Variants in MAPK8IP3 observed in about 807,000 individuals in gnomAD.
MAPK8IP3 encodes the protein C-Jun-amino-terminal kinase-interacting protein 3.
Under a neutral mutation model 157.8 loss-of-function variants are expected in MAPK8IP3, and 49 were observed. That is an observed-to-expected ratio of 0.31 (90% CI 0.25 to 0.39). MAPK8IP3 has a LOEUF of 0.39. Among genes scored for constraint, MAPK8IP3 ranks in the 10% least tolerant of loss-of-function variants. MAPK8IP3 has a pLI of 1.00. For synonymous variants in MAPK8IP3, 897 were observed against 777.7 expected (o/e 1.15, Z -2.55); for missense variants, 1,478 against 1,889.4 (o/e 0.78, Z 4.04).
intron 9 of MAPK8IP3, among the ~76,000 whole-genome samples, chr16:1,758,423 A>C (rs1205354224): frequency 1.3e-5 from 2 of 152,064 alleles, no homozygotes; most frequent in Non-Finnish European, 2.9e-5. Context: ...GCGGAGCCCT[A>C]AGCCACGCAC....
At chr16:1,749,791 C>T (rs2041186649) in intron 8 of MAPK8IP3, among the ~76,000 whole-genome samples, 3 of 152,208 alleles carry the variant, frequency 2.0e-5, no homozygotes, top group Admixed American at 2.0e-4. Flanking sequence ...AGCTGATTGT[C>T]TTATCTGGGG....
At chr16:1,737,603 T>C (rs2040092315) in intron 4 of MAPK8IP3, among the ~76,000 whole-genome samples, 1 of 84,518 alleles carries the variant, frequency 1.2e-5, no homozygotes, top group African/African-American at 4.8e-5. Flanking sequence ...CGTGTGAGCG[T>C]GTGACCGTCC....
At chr16:1,733,634 G>A (rs1036252210) in intron 4 of MAPK8IP3, among the ~76,000 whole-genome samples, 3 of 152,326 alleles carry the variant, frequency 2.0e-5, no homozygotes, top group Non-Finnish European at 4.4e-5. Context: ...CGCCGCCCCC[G>A]TCCCTTGGCT....
intron 12 of MAPK8IP3, 52 bp from the exon 13 acceptor site, chr16:1,761,172 C>T: frequency 6.9e-7 from 1 of 1,453,880 alleles, no homozygotes; most frequent in Non-Finnish European, 9.7e-7. Flanking sequence ...CTATGTGTTC[C>T]CGAGGCCCCT....
chr16:1,736,092 GTCCA>G (rs2039761827), intron 4 of MAPK8IP3, among the ~76,000 whole-genome samples: 1 of 123,758 alleles, frequency 8.1e-6, no homozygotes, highest in African/African-American at 3.2e-5. Flanking sequence ...GAGTGTGACC[GTCCA>G]TGTGAGCATC....
intron 1 of MAPK8IP3, among the ~76,000 whole-genome samples, chr16:1,717,926 A>G (rs1259220891): frequency 6.6e-6 from 1 of 151,362 alleles, no homozygotes; most frequent in Non-Finnish European, 1.5e-5. Flanking sequence ...ATCTCAGCTC[A>G]CTGCAAGCTC....
chr16:1,760,904 G>A (rs1388433007), intron 12 of MAPK8IP3, among the ~76,000 whole-genome samples: 3 of 152,194 alleles, frequency 2.0e-5, no homozygotes, highest in African/African-American at 7.2e-5. Context: ...CTCTGCCTAA[G>A]AAGGGACCCA....
In MAPK8IP3 at chr16:1,710,150, G is replaced by A. The variant is rs182770988; in HGVS notation, c.318+3493G>A. On this transcript the variant is annotated intron_variant, in intron 1 of 31. Transcript: ENST00000610761. This position sits in a 1 kb window ranked among gnomAD's most constrained non-coding sequence, Gnocchi z 4.1. The stretch of plus-strand genomic sequence containing the variant: ...TGAGGCAGGCGAGAGATGAGGTCAC[G>A]CTATGTTGCCCAGGCTGGTCTCAAA... Among the ~76,000 whole-genome samples the A allele has an allele frequency of 3.3e-5, 5 of 151,432 alleles. No homozygotes were observed. Among genetic ancestry groups the A allele is most frequent in the South Asian group, 4.2e-4 (2 of 4,790 alleles).
chr16:1,764,269 G>T (rs961595850), intron 18 of MAPK8IP3, 32 bp from the exon 19 acceptor site: 2 of 1,589,854 alleles, frequency 1.3e-6, no homozygotes, highest in African/African-American at 2.7e-5. Context: ...GGGGAGTGCC[G>T]GTGACACCCG....
At chr16:1,732,048 G>A (rs963602640) in intron 4 of MAPK8IP3, among the ~76,000 whole-genome samples, 17 of 152,166 alleles carry the variant, frequency 1.1e-4, no homozygotes, top group African/African-American at 3.9e-4. Context: ...GGAGAAAGCC[G>A]GGCTGCAGGC....
intron 4 of MAPK8IP3, among the ~76,000 whole-genome samples, chr16:1,740,384 AAGCGTGTGACCGTCCGTGTG>A (rs2040598533): frequency 7.2e-6 from 1 of 138,906 alleles, no homozygotes; most frequent in Non-Finnish European, 1.6e-5. Flanking sequence ...CCGTCCGTGT[AAGCGTGTGACCGTCCGTGTG>A]AGCGTGTGCA....
chr16:1,766,015 C>G lies in MAPK8IP3; in HGVS notation c.2502C>G (p.Asn834Lys). 1 of 1,612,818 alleles carries G rather than the reference C, an allele frequency of 6.2e-7. No homozygotes were observed. The highest frequency in any genetic ancestry group is 8.5e-7 in the Non-Finnish European group (1 of 1,179,938). Residue 834 changes from asparagine to lysine, a missense_variant, in exon 21 of 32, where the codon AAC becomes AAG. By Grantham distance (94) the Asn-to-Lys change is moderately conservative. Transcript: ENST00000610761. ...AGATGTTCCTGGACAGCGACGTGAA[C>G]CCAGAGGACCCGGGCGCAGATGGCG... ...PGEMFLDSDV[N>K]PEDPGADGVL...
intron 1 of MAPK8IP3, among the ~76,000 whole-genome samples, chr16:1,715,876 C>T (rs2038113960): frequency 6.6e-6 from 1 of 152,016 alleles, no homozygotes; most frequent in South Asian, 2.1e-4. Context: ...CAGGCGCCCA[C>T]CACCACACCC....
rs1283603988 is a variant in MAPK8IP3 at position 1,767,609 on chromosome 16, C to T, written c.3283C>T (p.Leu1095=). 1 of 1,612,502 alleles carries T rather than the reference C, an allele frequency of 6.2e-7. No homozygotes were observed. Among genetic ancestry groups the T allele is most frequent in the East Asian group, 2.2e-5 (1 of 44,882 alleles). The change falls in exon 27 of 32, where the codon CTG becomes TTG. Residue 1095 remains leucine (L), a synonymous_variant. Transcript: ENST00000610761. ...HPRRESQVRQ[L]AWIGDGVWVS... is the part of the protein sequence containing the mutation. ...GCGGCGGGAGAGCCAGGTGCGGCAGCTGGCGTGGATCGGCGATGGCGTATG... is the reference window on the plus strand; with the variant it reads ...GCGGCGGGAGAGCCAGGTGCGGCAGTTGGCGTGGATCGGCGATGGCGTATG...
chr16:1,768,018 C>A (rs1170761359), intron 28 of MAPK8IP3, 51 bp from the exon 29 acceptor site: 1 of 1,611,096 alleles, frequency 6.2e-7, no homozygotes, highest in Admixed American at 1.7e-5. Flanking sequence ...TGCCTTGCTG[C>A]CCCTACGCTG....
chr16:1,733,979 C>T (rs551448122), intron 4 of MAPK8IP3, among the ~76,000 whole-genome samples: 39 of 152,354 alleles, frequency 2.6e-4, no homozygotes, highest in African/African-American at 6.0e-4. Context: ...GTGGTAGGGG[C>T]CTTCCCCAGC....
chr16:1,734,604 C>T (rs1031107611), intron 4 of MAPK8IP3, among the ~76,000 whole-genome samples: 2 of 152,226 alleles, frequency 1.3e-5, no homozygotes, highest in African/African-American at 2.4e-5. Context: ...TTTGTGGGGT[C>T]AGGGGTGCTG....
Position 1,741,151 on chromosome 16 carries a change from T to C in MAPK8IP3, c.603-2181T>C, listed in dbSNP as rs151315463. ...ACTCACCAGCCTGTGTCAGAGCCGG[T>C]GACACACCCATGACCCCCAAGGGCA... On this transcript the variant is annotated intron_variant, in intron 4 of 31. Transcript: ENST00000610761. This position sits in a 1 kb window ranked among gnomAD's most constrained non-coding sequence, Gnocchi z 6.9. Among the ~76,000 whole-genome samples, 11 of 152,204 alleles carry C rather than the reference T, an allele frequency of 7.2e-5. No homozygotes were observed. In the East Asian group the frequency reaches 2.1e-3, roughly 29 times the overall value.
chr16:1,724,437 C>T lies in MAPK8IP3; in HGVS notation c.319-120C>T, dbSNP rs1240597796. 1.5e-6 allele frequency: 2 copies of T among 1,356,204 alleles called. No homozygotes were observed. The highest frequency in any genetic ancestry group is 1.5e-5 in the African/African-American group (1 of 68,668). The allele number at this position is 1,356,204 out of a possible 1,614,324, so 84.0% of individuals were successfully genotyped here. On this transcript the variant is annotated intron_variant, in intron 1 of 31. Coordinates refer to ENST00000610761, the MANE Select transcript of MAPK8IP3 (RefSeq NM_001318852.2). The surrounding 1 kb of genome is among the most constrained non-coding windows in gnomAD (Gnocchi z 4.1). The stretch of plus-strand genomic sequence containing the variant: ...CCATTCCGGCCTGGCCATGGGCCAG[C>T]TTGTGGCCCTGGGGACATCTTTGGC...
Sources: gnomAD v4.1 joint callset for allele counts (sites outside exome capture counted in the v4.1 genomes callset) on GRCh38, gnomAD v4.1.1 for gene constraint, Gnocchi (gnomAD v3.1) non-coding constraint, MANE v1.5 for transcripts, NCBI Gene and HGNC (gene_info 2026-07-23, HGNC 2026-07-21) for gene names.